Variants in NLRP3 observed in about 807,000 individuals in gnomAD.
The protein encoded by NLRP3 is NLR family pyrin domain containing 3.
NLRP3 carries 48 observed loss-of-function variants against 91.3 expected under a neutral mutation model. The ratio of observed to expected loss-of-function variants is 0.53; its 90% CI spans 0.42 to 0.67. NLRP3 has a LOEUF of 0.67. NLRP3 is among the 30% of genes least tolerant of loss of function. The pLI, the probability that NLRP3 is intolerant of heterozygous loss-of-function variation, is 0.00. For synonymous variants in NLRP3, 561 were observed against 507.9 expected, an observed-to-expected ratio of 1.10 and a Z score of -1.41; for missense variants, 982 against 1,276.9, an observed-to-expected ratio of 0.77 and a Z score of 3.52.
chr1:247,448,286 T>TTTTTTG, intron 9 of NLRP3, 119 bp from the exon 10 acceptor site: 1 of 521,614 alleles, frequency 1.9e-6, no homozygotes, highest in South Asian at 1.9e-5. Context: ...TTTTTTTTTT[T>TTTTTTG]TTTTACATTT....
chr1:247,426,649 G>A (rs1234240613), intron 4 of NLRP3, among the ~76,000 whole-genome samples: 1 of 152,234 alleles, frequency 6.6e-6, no homozygotes, highest in African/African-American at 2.4e-5. Context: ...GGGCCGCAGT[G>A]GTGGTGAAGA....
chr1:247,439,655 T>C (rs568923030), intron 7 of NLRP3, among the ~76,000 whole-genome samples: 6 of 152,324 alleles, frequency 3.9e-5, no homozygotes, highest in Middle Eastern at 3.4e-3. Context: ...GACTTCCACA[T>C]ATAAAGTCTT....
At chr1:247,433,822 T>G (rs1663542417) in intron 5 of NLRP3, among the ~76,000 whole-genome samples, 1 of 136,736 alleles carries the variant, frequency 7.3e-6, no homozygotes, top group Non-Finnish European at 1.6e-5. Context: ...TGTGTCCTGA[T>G]GCTTTCTCTA....
intron 7 of NLRP3, among the ~76,000 whole-genome samples, chr1:247,437,377 T>A (rs1486507993): frequency 2.0e-5 from 3 of 152,186 alleles, no homozygotes; most frequent in Non-Finnish European, 4.4e-5. Flanking sequence ...AATCCACTAA[T>A]CCATAATTAA....
In NLRP3 at chr1:247,425,487, G is replaced by C; in HGVS notation, c.2038G>C (p.Gly680Arg). Reference protein sequence around the residue: ...NCHRVESLSLGFLHNMPKEEE... With the variant: ...NCHRVESLSLRFLHNMPKEEE... Reference sequence around the variant, plus strand: ...TCATCGGGTGGAGTCACTGTCCCTGGGGTTTCTCCATAACATGCCCAAGGA... The same window carrying C: ...TCATCGGGTGGAGTCACTGTCCCTGCGGTTTCTCCATAACATGCCCAAGGA... Residue 680 changes from glycine to arginine, a missense_variant, in exon 4 of 10, where the codon GGG becomes CGG. Coordinates refer to ENST00000336119, the MANE Select transcript of NLRP3 (RefSeq NM_001243133.2). The surrounding 1 kb of genome is among the most constrained non-coding windows in gnomAD (Gnocchi z 4.1). 1 of 1,614,072 alleles carries C rather than the reference G, an allele frequency of 6.2e-7. No homozygotes were observed. The highest frequency in any genetic ancestry group is 8.5e-7 in the Non-Finnish European group (1 of 1,180,024).
chr1:247,420,873 A>C (rs1662408344), intron 2 of NLRP3, among the ~76,000 whole-genome samples: 1 of 152,204 alleles, frequency 6.6e-6, no homozygotes, highest in African/African-American at 2.4e-5. Context: ...TGCCATGATT[A>C]GTCCCTCTTT....
chr1:247,445,330 A>G (rs1329637818), intron 9 of NLRP3, among the ~76,000 whole-genome samples: 1 of 151,762 alleles, frequency 6.6e-6, no homozygotes, highest in African/African-American at 2.4e-5. Context: ...CCTCCCAAGT[A>G]GCTGGGACCA....
At chr1:247,438,299 T>C (rs1663936010) in intron 7 of NLRP3, among the ~76,000 whole-genome samples, 1 of 152,088 alleles carries the variant, frequency 6.6e-6, no homozygotes, top group South Asian at 2.1e-4. Flanking sequence ...TTCCTGCTAA[T>C]GTTATAGCTT....
chr1:247,431,185 AAATAAT>A lies in NLRP3; in HGVS notation c.2321+1451_2321+1456del, dbSNP rs549986882. Among the ~76,000 whole-genome samples the A allele has an allele frequency of 3.3e-5, 5 of 151,018 alleles. No homozygotes were observed. In the East Asian group the frequency reaches 5.8e-4, roughly 18 times the overall value. On this transcript the variant is annotated intron_variant, in intron 5 of 9. Transcript: ENST00000336119. ...GGTGACAGAGCGAGATTCCATTTCA[AAATAAT>A]AATAATAATAATAATAATAAAAAAT...
chr1:247,443,608 G>A (rs560507201), intron 7 of NLRP3, among the ~76,000 whole-genome samples: 4 of 151,912 alleles, frequency 2.6e-5, no homozygotes, highest in South Asian at 4.2e-4. Flanking sequence ...GCAGTGTTAC[G>A]GGGATTATTA....
At chr1:247,417,128 A>G (rs528912573) in intron 1 of NLRP3, among the ~76,000 whole-genome samples, 1 of 152,288 alleles carries the variant, frequency 6.6e-6, no homozygotes, top group Non-Finnish European at 1.5e-5. Context: ...CCTGTGATAA[A>G]TGCTGGGGAA....
chr1:247,441,861 C>T (rs1289028307), intron 7 of NLRP3, among the ~76,000 whole-genome samples: 1 of 152,226 alleles, frequency 6.6e-6, no homozygotes, highest in Non-Finnish European at 1.5e-5. Flanking sequence ...GTGTAGTGCT[C>T]CCCAAACATC....
chr1:247,443,109 G>C (rs1480434702), intron 7 of NLRP3, among the ~76,000 whole-genome samples: 1 of 152,118 alleles, frequency 6.6e-6, no homozygotes, highest in South Asian at 2.1e-4. Context: ...ATTTTTAGTA[G>C]AGATGGGCTT....
At position 247,423,943 on chromosome 1, in the gene NLRP3, G is replaced by A. The variant is rs1232525308; in HGVS notation, c.494G>A (p.Arg165His). ...RLGESVSLNK[R>H]YTRLRLIKEH... Reference sequence around the variant, plus strand: ...GGTGAGAGTGTGAGCCTCAACAAACGCTACACACGACTGCGTCTCATCAAG... The same window carrying A: ...GGTGAGAGTGTGAGCCTCAACAAACACTACACACGACTGCGTCTCATCAAG... The change falls in exon 4 of 10, where the codon CGC (arginine) becomes CAC (histidine). Residue 165 changes from arginine to histidine, a missense_variant. Transcript: ENST00000336119. 2 of 1,613,822 alleles carry A rather than the reference G, an allele frequency of 1.2e-6. No homozygotes were observed. Among genetic ancestry groups the A allele is most frequent in the African/African-American group, 1.3e-5 (1 of 74,874 alleles).
intron 2 of NLRP3, among the ~76,000 whole-genome samples, chr1:247,422,975 G>A (rs1249130594): frequency 6.6e-6 from 1 of 152,228 alleles, no homozygotes; most frequent in Non-Finnish European, 1.5e-5. Flanking sequence ...CAGGCCTGAG[G>A]AAGAGATTCT....
chr1:247,417,512 G>T (rs1219801673), intron 1 of NLRP3, among the ~76,000 whole-genome samples: 1 of 151,982 alleles, frequency 6.6e-6, no homozygotes, highest in Non-Finnish European at 1.5e-5. Flanking sequence ...ATGGAGTTTT[G>T]CTCTTATTGC....
In NLRP3 at chr1:247,423,348, A is replaced by G; in HGVS notation, c.396A>G (p.Lys132=). 3 of 1,453,880 alleles carry G rather than the reference A, an allele frequency of 2.1e-6. No homozygotes were observed. The highest frequency in any genetic ancestry group is 1.8e-5 in the Admixed American group (1 of 56,422). 90.1% of individuals were successfully genotyped at this position (1,453,880 alleles called of 1,614,324 possible). A position where few individuals can be genotyped will look rare whatever the true frequency, so the allele number is the denominator to read the frequency against. ...LSRISICKMK[K]DYRKKYRKYV... The stretch of plus-strand genomic sequence containing the variant: ...GAATCTCTATTTGTAAAATGAAGAA[A>G]GGTAAGCGACTGGGGTGGTGCTTCT... Residue 132 remains lysine (K), a splice_region_variant and synonymous_variant, in exon 3 of 10, where the codon AAA becomes AAG. Transcript: ENST00000336119.
intron 9 of NLRP3, among the ~76,000 whole-genome samples, chr1:247,445,430 G>T (rs1344607480): frequency 6.6e-6 from 1 of 152,162 alleles, no homozygotes; most frequent in Non-Finnish European, 1.5e-5. Flanking sequence ...TCCATCTCCT[G>T]ACCTCGTGAT....
intron 9 of NLRP3, among the ~76,000 whole-genome samples, chr1:247,448,191 G>C (rs1291162425): frequency 6.6e-6 from 1 of 151,550 alleles, no homozygotes; most frequent in Non-Finnish European, 1.5e-5. Context: ...AAGAAGGTGC[G>C]GAGTCTCGCG....
Sources: allele counts gnomAD v4.1 joint callset (sites outside exome capture counted in the v4.1 genomes callset), GRCh38; gene constraint gnomAD v4.1.1; non-coding constraint Gnocchi (gnomAD v3.1); transcripts MANE v1.5; gene names NCBI Gene and HGNC (gene_info 2026-07-23, HGNC 2026-07-21).